IQGAP2: variants seen among roughly 807,000 people sequenced by gnomAD.
The protein encoded by IQGAP2 is IQ motif containing GTPase activating protein 2, also known as ras GTPase-activating-like protein IQGAP2.
IQGAP2 carries 173 observed loss-of-function variants against 201.3 expected under a neutral mutation model. The ratio of observed to expected loss-of-function variants is 0.86; its 90% CI spans 0.76 to 0.98. The LOEUF is 0.98. Ranked by LOEUF, IQGAP2 falls within the 50% of genes least tolerant of loss-of-function variation. The probability of loss-of-function intolerance (pLI) is 0.00; values close to 1 mark genes in which losing one functional copy is unlikely to be tolerated. For missense variants in IQGAP2, 1,687 were observed against 1,864.8 expected (o/e 0.90, Z 1.76); for synonymous variants, 675 against 673.9 (o/e 1.00, Z -0.03).
At chr5:76,558,106 G>A (rs898997444) in intron 2 of IQGAP2, among the ~76,000 whole-genome samples, 1 of 152,076 alleles carries the variant, frequency 6.6e-6, no homozygotes, top group Non-Finnish European at 1.5e-5. Flanking sequence ...TGCCCGGCCT[G>A]GTATCAGTGT....
chr5:76,619,353 T>C (rs1048569895), intron 13 of IQGAP2, among the ~76,000 whole-genome samples: 2 of 152,106 alleles, frequency 1.3e-5, no homozygotes, highest in African/African-American at 4.8e-5. Flanking sequence ...TATTCACAGA[T>C]GATGGGATTG....
At chr5:76,639,087 C>T (rs1751368742) in intron 16 of IQGAP2, among the ~76,000 whole-genome samples, 2 of 152,114 alleles carry the variant, frequency 1.3e-5, no homozygotes. Context: ...AGCCAAGTAC[C>T]CCTCATTTGT....
At chr5:76,656,383 G>A (rs901730711) in intron 20 of IQGAP2, among the ~76,000 whole-genome samples, 9 of 152,058 alleles carry the variant, frequency 5.9e-5, no homozygotes, top group East Asian at 1.9e-4. Context: ...GGGTTTCACC[G>A]TGTTAGCCAG....
intron 24 of IQGAP2, among the ~76,000 whole-genome samples, chr5:76,673,112 C>G (rs1744500533): frequency 6.6e-6 from 1 of 151,870 alleles, no homozygotes; most frequent in Non-Finnish European, 1.5e-5. Context: ...TGGTTGTCCT[C>G]TCTGGTATTG....
chr5:76,663,642 T>C (rs781288927), intron 21 of IQGAP2, among the ~76,000 whole-genome samples: 4 of 152,224 alleles, frequency 2.6e-5, no homozygotes, highest in Non-Finnish European at 5.9e-5. Context: ...TATTTCTTAC[T>C]GCGGGTCCCA....
intron 17 of IQGAP2, among the ~76,000 whole-genome samples, chr5:76,644,560 A>G (rs1751876602): frequency 1.3e-5 from 2 of 150,864 alleles, no homozygotes; most frequent in Admixed American, 1.4e-4. Context: ...TCGGCTTTCC[A>G]AAGTGCTGGG....
At chr5:76,556,221 G>C (rs1296256090) in intron 2 of IQGAP2, among the ~76,000 whole-genome samples, 2 of 152,126 alleles carry the variant, frequency 1.3e-5, no homozygotes, top group Non-Finnish European at 2.9e-5. Context: ...GGTTCAATCA[G>C]GTATGACATT....
intron 30 of IQGAP2, among the ~76,000 whole-genome samples, chr5:76,689,789 G>A (rs1359178944): frequency 1.3e-5 from 2 of 152,178 alleles, no homozygotes; most frequent in Admixed American, 1.3e-4. Flanking sequence ...GTTAAATACT[G>A]AAAATATTCC....
chr5:76,686,700 G>A (rs1048062626), intron 30 of IQGAP2, among the ~76,000 whole-genome samples: 40 of 151,952 alleles, frequency 2.6e-4, no homozygotes, highest in African/African-American at 8.7e-4. Flanking sequence ...TAGTAGAGAC[G>A]GAGTTTCATC....
rs1051747419 is a variant in IQGAP2, at chr5:76,697,968, C to G, written c.4207-19C>G. Reference sequence around the variant, plus strand: ...GCAAACTTCTGCTTAAATATGATACCCCTTACTTGTTGTTTTAGGATATTC... The same window carrying G: ...GCAAACTTCTGCTTAAATATGATACGCCTTACTTGTTGTTTTAGGATATTC... On this transcript the variant is annotated intron_variant, in intron 32 of 35. Transcript: ENST00000274364. 6.3e-7 allele frequency: 1 copy of G among 1,594,820 alleles called. No homozygotes were observed. Among genetic ancestry groups the G allele is most frequent in the African/African-American group, 1.4e-5 (1 of 73,910 alleles).
chr5:76,695,372 A>G (rs545312982), intron 31 of IQGAP2, 82 bp from the exon 32 acceptor site: 4 of 1,172,472 alleles, frequency 3.4e-6, no homozygotes, highest in Non-Finnish European at 3.8e-6. Flanking sequence ...TTTCATTTTG[A>G]CATTAACTTG....
At chr5:76,420,339 T>C (rs921624331) in intron 1 of IQGAP2, among the ~76,000 whole-genome samples, 4 of 152,076 alleles carry the variant, frequency 2.6e-5, no homozygotes, top group Non-Finnish European at 2.9e-5. Flanking sequence ...ACATTCACAT[T>C]GTTGTATAAC....
chr5:76,668,832 A>G lies in IQGAP2; in HGVS notation c.2831A>G (p.Glu944Gly), dbSNP rs1382782564. The change falls in exon 23 of 36, where the codon GAG becomes GGG. Residue 944 changes from glutamate to glycine, a missense_variant. Coordinates refer to ENST00000274364, the MANE Select transcript of IQGAP2 (RefSeq NM_006633.5). ...LLLKLFKTAL[E>G]EEIKSKVDQV... ...CTCAAGCTTTTTAAAACTGCTCTGG[A>G]GGAAGAAATAAAGTATGTATACAAA... 1 of 1,590,934 alleles carries G rather than the reference A, an allele frequency of 6.3e-7. No homozygotes were observed. The highest frequency in any genetic ancestry group is 8.6e-7 in the Non-Finnish European group (1 of 1,167,934).
chr5:76,647,577 G>T (rs1341075621), intron 17 of IQGAP2, among the ~76,000 whole-genome samples: 1 of 152,044 alleles, frequency 6.6e-6, no homozygotes, highest in Non-Finnish European at 1.5e-5. Context: ...CTCTCTTGCT[G>T]CCACCGTGTA....
intron 11 of IQGAP2, among the ~76,000 whole-genome samples, chr5:76,603,263 A>G (rs1407514897): frequency 6.6e-6 from 1 of 152,120 alleles, no homozygotes; most frequent in Admixed American, 6.5e-5. Flanking sequence ...AGCCCTGCCT[A>G]CCATACATTA....
At chr5:76,578,765 C>A (rs1745637684) in intron 5 of IQGAP2, among the ~76,000 whole-genome samples, 1 of 152,098 alleles carries the variant, frequency 6.6e-6, no homozygotes, top group South Asian at 2.1e-4. Flanking sequence ...ACCACTGTAA[C>A]TATTTTGATA....
At chr5:76,658,403 G>A in intron 20 of IQGAP2, 56 bp from the exon 21 acceptor site, 3 of 1,372,374 alleles carry the variant, frequency 2.2e-6, no homozygotes, top group Non-Finnish European at 3.1e-6. Context: ...TTTCTTTCCT[G>A]TTGATAATCA....
At chr5:76,637,668 G>A (rs762314226) in intron 16 of IQGAP2, among the ~76,000 whole-genome samples, 49 of 152,280 alleles carry the variant, frequency 3.2e-4, no homozygotes, top group Middle Eastern at 3.4e-3. Context: ...AACAGAGTTG[G>A]GCAAAGAGCA....
intron 10 of IQGAP2, among the ~76,000 whole-genome samples, chr5:76,598,968 A>G (rs1022556082): frequency 6.6e-6 from 1 of 152,224 alleles, no homozygotes; most frequent in Non-Finnish European, 1.5e-5. Flanking sequence ...GCAAAAAGAA[A>G]GTGAAGTCAG....
Sources: gnomAD v4.1 joint callset for allele counts (sites outside exome capture counted in the v4.1 genomes callset) on GRCh38, gnomAD v4.1.1 for gene constraint, MANE v1.5 for transcripts, NCBI Gene and HGNC (gene_info 2026-07-23, HGNC 2026-07-21) for gene names.